The following CACNA2D2 variants were observed in gnomAD, a reference collection of about 807,000 sequenced individuals.
The protein encoded by CACNA2D2 is voltage-dependent calcium channel subunit alpha-2/delta-2.
A neutral mutation model predicts 166.4 loss-of-function variants in CACNA2D2; 48 were observed. That is an observed-to-expected ratio of 0.29 (90% CI 0.23 to 0.37). CACNA2D2 has a LOEUF of 0.37. Among genes scored for constraint, CACNA2D2 ranks in the 10% least tolerant of loss-of-function variants. The pLI, the probability that CACNA2D2 is intolerant of heterozygous loss-of-function variation, is 1.00. For synonymous variants in CACNA2D2, 561 were observed against 573.7 expected (o/e 0.98, Z 0.32); for missense variants, 1,122 against 1,433.0 (o/e 0.78, Z 3.50).
chr3:50,460,651 G>A lies in CACNA2D2; in HGVS notation c.288+15467C>T, dbSNP rs541158358. Among the ~76,000 whole-genome samples the A allele has an allele frequency of 2.6e-5, 4 of 152,142 alleles. 1 individual carries two copies. Among genetic ancestry groups the A allele is most frequent in the East Asian group, 3.9e-4 (2 of 5,172 alleles). ...AGGAGGATCACAAGGTCAGGAGATC[G>A]AGACCATCCTGGCTAACATGGTGAA... On this transcript the variant is annotated intron_variant, in intron 2 of 37. Transcript: ENST00000424201.
At chr3:50,368,791 G>C (rs1704494158) in intron 23 of CACNA2D2, among the ~76,000 whole-genome samples, 1 of 152,204 alleles carries the variant, frequency 6.6e-6, no homozygotes, top group African/African-American at 2.4e-5. Flanking sequence ...CCCTCTGCCT[G>C]GAATGCTCCT....
In CACNA2D2 at chr3:50,458,322, C is replaced by T. The variant is rs1353758638; in HGVS notation, c.288+17796G>A. ...CTGAGCTGCCTCTCTGCACCTTCCC[C>T]GAGTCCCAGAGACTCCCTGCTGCTA... is the stretch of plus-strand genomic sequence containing the variant. On this transcript the variant is annotated intron_variant, in intron 2 of 37. Coordinates refer to ENST00000424201, the MANE Select transcript of CACNA2D2 (RefSeq NM_006030.4). Among the ~76,000 whole-genome samples, 7 of 152,310 alleles carry T rather than the reference C, an allele frequency of 4.6e-5. 1 individual carries two copies. The South Asian group carries it at 6.2e-4, about 14-fold the overall frequency.
intron 2 of CACNA2D2, among the ~76,000 whole-genome samples, chr3:50,471,569 G>T (rs1710096921): frequency 6.6e-6 from 1 of 152,186 alleles, no homozygotes; most frequent in African/African-American, 2.4e-5. Flanking sequence ...TCCCTAGATG[G>T]TAACAGAGCT....
intron 17 of CACNA2D2, among the ~76,000 whole-genome samples, chr3:50,377,174 C>A (rs1441114381): frequency 6.6e-6 from 1 of 152,124 alleles, no homozygotes; most frequent in African/African-American, 2.4e-5. Context: ...ATAGCCATGC[C>A]CATTGTTTAT....
Position 50,367,700 on chromosome 3 carries a change from T to C in CACNA2D2, c.2239A>G (p.Ser747Gly), listed in dbSNP as rs1159027005. The C allele has an allele frequency of 6.2e-7, 1 of 1,612,578 alleles. No individual in the cohort carries two copies. Among genetic ancestry groups the C allele is most frequent in the Non-Finnish European group, 8.5e-7 (1 of 1,179,120 alleles). ...GTGGCAGCGAACACGGCCAGTAGGC[T>C]GTACCTGGGGGTAGCAGGGGGGTGG... ...VWRDQDLNTY[S>G]LLAVFAATDG... Residue 747 changes from serine to glycine, a missense_variant, in exon 26 of 38, where the codon AGC becomes GGC. Ser to Gly is a moderately conservative substitution (Grantham distance 56, BLOSUM62 0). Around this residue, in one of 2 missense-constraint regions of CACNA2D2, gnomAD observed 840 missense variants for 1,166.8 expected, o/e 0.72. Transcript: ENST00000424201. This position sits in a 1 kb window ranked among gnomAD's most constrained non-coding sequence, Gnocchi z 6.5.
chr3:50,413,076 C>T (rs1201573218), intron 3 of CACNA2D2, among the ~76,000 whole-genome samples: 1 of 152,214 alleles, frequency 6.6e-6, no homozygotes, highest in East Asian at 1.9e-4. Flanking sequence ...AGAGCTAGGG[C>T]CCCAGGGGAT....
In CACNA2D2 at chr3:50,365,878, G is replaced by A. The variant is rs1704240029; in HGVS notation, c.2863-16C>T. On this transcript the variant is annotated splice_polypyrimidine_tract_variant and intron_variant, in intron 32 of 37. Coordinates refer to ENST00000424201, the MANE Select transcript of CACNA2D2 (RefSeq NM_006030.4). The surrounding 1 kb of genome is among the most constrained non-coding windows in gnomAD (Gnocchi z 4.5). ...CAACGGTGGGCTGCAGTGGAGAGAG[G>A]GGCGTGGACTGCCACTGCTGCCCCT... 2 of 1,612,948 alleles carry A rather than the reference G, an allele frequency of 1.2e-6. No individual in the cohort carries two copies. Among genetic ancestry groups the A allele is most frequent in the South Asian group, 1.1e-5 (1 of 91,062 alleles).
At chr3:50,490,854 G>C (rs528442004) in intron 1 of CACNA2D2, among the ~76,000 whole-genome samples, 1 of 152,222 alleles carries the variant, frequency 6.6e-6, no homozygotes, top group African/African-American at 2.4e-5. Flanking sequence ...GAGGACAGGG[G>C]CTTGAAGCAG....
At chr3:50,378,799 C>A in intron 13 of CACNA2D2, 116 bp downstream of exon 13, 2 of 1,247,990 alleles carry the variant, frequency 1.6e-6, no homozygotes, top group Non-Finnish European at 1.1e-6. Context: ...GGAGGAGGCA[C>A]ACTGTCTTGC....
At chr3:50,387,498 C>T in intron 5 of CACNA2D2, 70 bp downstream of exon 5, 1 of 1,319,006 alleles carries the variant, frequency 7.6e-7, no homozygotes, top group Non-Finnish European at 1.1e-6. Flanking sequence ...GCGCTGAGTC[C>T]TAACATCCAT....
Position 50,379,630 on chromosome 3 carries a change from C to T in CACNA2D2, c.994-40G>A, listed in dbSNP as rs7610897. On this transcript the variant is annotated intron_variant, in intron 10 of 37. Coordinates refer to ENST00000424201, the MANE Select transcript of CACNA2D2 (RefSeq NM_006030.4). This position sits in a 1 kb window ranked among gnomAD's most constrained non-coding sequence, Gnocchi z 6.5. Reference sequence around the variant, plus strand: ...GGGTGGTGAGTGGCCTCAGGCTGGCCGGGGTAGGCAGCTATTGCATGGGGC... The same window carrying T: ...GGGTGGTGAGTGGCCTCAGGCTGGCTGGGGTAGGCAGCTATTGCATGGGGC... The T allele has an allele frequency of 1.0e-3, 1,657 of 1,612,496 alleles. 15 individuals carry two copies. In the African/African-American group the frequency reaches 0.019, roughly 19 times the overall value.
chr3:50,372,688 GGCCTCCAGCCCT>G (rs1403824344), intron 22 of CACNA2D2, among the ~76,000 whole-genome samples: 1 of 152,200 alleles, frequency 6.6e-6, no homozygotes, highest in Non-Finnish European at 1.5e-5. Flanking sequence ...CTGCATCTCA[GGCCTCCAGCCCT>G]GCTGAGTGGG....
Position 50,362,732 on chromosome 3 carries a change from G to A in CACNA2D2, c.*1934C>T, listed in dbSNP as rs760833486. Reference sequence around the variant, plus strand: ...GCAGAGCACTAAGTGGGACTCTGAGGTCTTGGCCAACTGTCTTCATAGCTA... The same window carrying A: ...GCAGAGCACTAAGTGGGACTCTGAGATCTTGGCCAACTGTCTTCATAGCTA... On this transcript the variant is annotated 3_prime_UTR_variant, in exon 38 of 38. Coordinates refer to ENST00000424201, the MANE Select transcript of CACNA2D2 (RefSeq NM_006030.4). The A allele has an allele frequency of 3.9e-4, 62 of 159,472 alleles. No individual in the cohort carries two copies. The highest frequency in any genetic ancestry group is 3.8e-4 in the Non-Finnish European group (28 of 73,118). The allele number at this position is 159,472 out of a possible 1,614,324, so 9.9% of individuals were successfully genotyped here.
chr3:50,439,844 G>A (rs1031053735), intron 2 of CACNA2D2, among the ~76,000 whole-genome samples: 17 of 152,226 alleles, frequency 1.1e-4, no homozygotes, highest in African/African-American at 3.9e-4. Context: ...GAGGTAGGGC[G>A]ATTGGCGACA....
intron 1 of CACNA2D2, among the ~76,000 whole-genome samples, chr3:50,484,846 G>A (rs1427951273): frequency 6.6e-6 from 1 of 152,234 alleles, no homozygotes; most frequent in Non-Finnish European, 1.5e-5. Context: ...CCTCCCCAGA[G>A]TCCTGCTGAC....
At chr3:50,377,887 G>T in intron 15 of CACNA2D2, 84 bp from the exon 16 acceptor site, 1 of 1,474,876 alleles carries the variant, frequency 6.8e-7, no homozygotes, top group East Asian at 2.3e-5. Context: ...TGAGGTGCAG[G>T]CCACCTCTTT....
At chr3:50,453,981 G>C (rs531832435) in intron 2 of CACNA2D2, among the ~76,000 whole-genome samples, 1 of 152,274 alleles carries the variant, frequency 6.6e-6, no homozygotes, top group South Asian at 2.1e-4. Flanking sequence ...CCGCCTCACG[G>C]AGCCCCATCT....
chr3:50,442,891 C>A (rs967547301), intron 2 of CACNA2D2, among the ~76,000 whole-genome samples: 20 of 152,202 alleles, frequency 1.3e-4, no homozygotes, highest in Admixed American at 1.0e-3. Context: ...CTCAGATGGG[C>A]TGGAGAGCAG....
In CACNA2D2 at chr3:50,379,922, T is replaced by C. The variant is rs1705214954; in HGVS notation, c.893+46A>G. The C allele has an allele frequency of 3.1e-6, 5 of 1,613,376 alleles. No homozygotes were observed. Among genetic ancestry groups the C allele is most frequent in the Non-Finnish European group, 4.2e-6 (5 of 1,179,520 alleles). ...GTTCAGGGCAGCAGAGTCTAGCCCA[T>C]TGCCCGTCCCTGCCCCAGCCCCACT... On this transcript the variant is annotated intron_variant, in intron 9 of 37. Coordinates refer to ENST00000424201, the MANE Select transcript of CACNA2D2 (RefSeq NM_006030.4). The surrounding 1 kb of genome is among the most constrained non-coding windows in gnomAD (Gnocchi z 6.5).
Sources: gnomAD v4.1 joint callset for allele counts (sites outside exome capture counted in the v4.1 genomes callset) on GRCh38, gnomAD v4.1.1 for gene constraint, gnomAD v4.1.1 regional missense constraint, Gnocchi (gnomAD v3.1) non-coding constraint, MANE v1.5 for transcripts, NCBI Gene and HGNC (gene_info 2026-07-23, HGNC 2026-07-21) for gene names.